Variants in SND1 observed in about 807,000 individuals in gnomAD.
SND1 encodes staphylococcal nuclease domain-containing protein 1.
In SND1, 38 loss-of-function variants were observed where a neutral mutation model predicts 121.7. That is an observed-to-expected ratio of 0.31 (90% confidence interval 0.24 to 0.41). The LOEUF (loss-of-function observed/expected upper bound fraction) is 0.41. Ranked by LOEUF, SND1 falls within the 10% of genes least tolerant of loss-of-function variation. The pLI, the probability that SND1 is intolerant of heterozygous loss-of-function variation, is 1.00. For missense variants in SND1, 868 were observed against 1,184.6 expected (o/e 0.73, Z 3.92); for synonymous variants, 401 against 447.4 (o/e 0.90, Z 1.31).
chr7:128,020,428 A>G (rs1803323134), intron 16 of SND1, among the ~76,000 whole-genome samples: 1 of 152,224 alleles, frequency 6.6e-6, no homozygotes, highest in African/African-American at 2.4e-5. Context: ...TCGCGAACCC[A>G]GAGACTACAG....
At chr7:127,938,203 C>T (rs1238719251) in intron 15 of SND1, among the ~76,000 whole-genome samples, 1 of 152,184 alleles carries the variant, frequency 6.6e-6, no homozygotes, top group African/African-American at 2.4e-5. Flanking sequence ...GAATTATGTT[C>T]ATGTCCGGGG....
chr7:128,081,189 AG>A (rs1355689058), intron 17 of SND1, among the ~76,000 whole-genome samples, 170 bp from the exon 18 acceptor site: 2 of 151,866 alleles, frequency 1.3e-5, no homozygotes, highest in African/African-American at 2.4e-5. Context: ...GTAGAGATAG[AG>A]TTTCACCATA....
At chr7:128,068,626 A>G (rs1793357101) in intron 16 of SND1, among the ~76,000 whole-genome samples, 1 of 152,226 alleles carries the variant, frequency 6.6e-6, no homozygotes, top group Non-Finnish European at 1.5e-5. Flanking sequence ...GCCGCAGGAA[A>G]TGAAACAAGT....
chr7:128,077,037 C>T (rs1444724337), intron 17 of SND1, among the ~76,000 whole-genome samples: 1 of 152,152 alleles, frequency 6.6e-6, no homozygotes, highest in African/African-American at 2.4e-5. Context: ...ATGGCAGATG[C>T]CTGTCCCCCC....
chr7:127,746,693 T>A (rs1796988989), intron 10 of SND1, among the ~76,000 whole-genome samples: 1 of 152,242 alleles, frequency 6.6e-6, no homozygotes, highest in Non-Finnish European at 1.5e-5. Context: ...TCCTTCTTCC[T>A]ATGAACATTC....
intron 15 of SND1, among the ~76,000 whole-genome samples, chr7:127,972,031 TC>T (rs1013102549): frequency 2.6e-5 from 4 of 152,020 alleles, no homozygotes; most frequent in African/African-American, 9.7e-5. Context: ...CGCCTCGGCC[TC>T]CCAAAGTGCT....
rs528127767 is a variant in SND1 at position 128,085,329 on chromosome 7, G to A, written c.2235-382G>A. On this transcript the variant is annotated intron_variant, in intron 19 of 23. Transcript: ENST00000354725. The surrounding 1 kb of genome is among the most constrained non-coding windows in gnomAD (Gnocchi z 4.4). The stretch of plus-strand genomic sequence containing the variant: ...AGGGAGGGCCCATGGCCTTCCCAGG[G>A]TGACGAAGTGACTTGGATATGTTCC... Among the ~76,000 whole-genome samples the A allele has an allele frequency of 6.6e-6, 1 of 152,202 alleles. No individual in the cohort carries two copies. Among genetic ancestry groups the A allele is most frequent in the South Asian group, 2.1e-4 (1 of 4,834 alleles).
intron 15 of SND1, among the ~76,000 whole-genome samples, chr7:127,981,528 T>C (rs1029374468): frequency 1.4e-5 from 2 of 147,500 alleles, no homozygotes; most frequent in Non-Finnish European, 3.0e-5. Flanking sequence ...AGTGAGAGGG[T>C]TTTTTTTTTC....
At chr7:127,838,000 C>G (rs968423461) in intron 11 of SND1, among the ~76,000 whole-genome samples, 51 of 152,274 alleles carry the variant, frequency 3.3e-4, no homozygotes, top group Admixed American at 1.9e-3. Context: ...CTATGTTGTT[C>G]CCCTGTTGGC....
intron 9 of SND1, among the ~76,000 whole-genome samples, chr7:127,716,828 A>G (rs1223458890): frequency 1.3e-5 from 2 of 152,184 alleles, no homozygotes; most frequent in Non-Finnish European, 2.9e-5. Flanking sequence ...ATGTGATAAT[A>G]TGGAGAGAAT....
At chr7:128,090,735 T>C (rs1793765511) in intron 22 of SND1, among the ~76,000 whole-genome samples, 1 of 152,144 alleles carries the variant, frequency 6.6e-6, no homozygotes, top group Non-Finnish European at 1.5e-5. Context: ...ACATAATGTG[T>C]CGGTGGCTGT....
At chr7:127,806,495 T>C (rs1211275776) in intron 10 of SND1, among the ~76,000 whole-genome samples, 2 of 152,256 alleles carry the variant, frequency 1.3e-5, no homozygotes, top group African/African-American at 4.8e-5. Flanking sequence ...TTTTGGTTTT[T>C]CTGTTTTTTC....
At chr7:127,707,926 A>G (rs1796230055) in intron 9 of SND1, among the ~76,000 whole-genome samples, 1 of 152,136 alleles carries the variant, frequency 6.6e-6, no homozygotes, top group South Asian at 2.1e-4. Context: ...TTATCTGCCT[A>G]GCAAATAGCA....
At chr7:128,001,261 G>A (rs1802819453) in intron 16 of SND1, among the ~76,000 whole-genome samples, 1 of 152,186 alleles carries the variant, frequency 6.6e-6, no homozygotes, top group African/African-American at 2.4e-5. Flanking sequence ...AGTGAGAAAG[G>A]AATAGCTCAT....
At chr7:127,901,263 A>G (rs781610766) in intron 13 of SND1, among the ~76,000 whole-genome samples, 15 of 152,130 alleles carry the variant, frequency 9.9e-5, no homozygotes, top group Non-Finnish European at 1.8e-4. Context: ...CATGTCATGT[A>G]TCCTCATAGC....
chr7:127,804,045 A>G (rs1056577158), intron 10 of SND1, among the ~76,000 whole-genome samples: 8 of 152,226 alleles, frequency 5.3e-5, no homozygotes, highest in Non-Finnish European at 7.3e-5. Flanking sequence ...GTAAATTAGA[A>G]TCTAAACTAG....
intron 15 of SND1, among the ~76,000 whole-genome samples, chr7:127,981,581 G>A (rs573582764): frequency 3.9e-5 from 6 of 152,246 alleles, no homozygotes; most frequent in African/African-American, 1.4e-4. Context: ...TTTGCAATGG[G>A]GAGAATTATA....
At chr7:128,006,227 G>GGTGCGTGC (rs200202031) in intron 16 of SND1, among the ~76,000 whole-genome samples, 2 of 151,938 alleles carry the variant, frequency 1.3e-5, no homozygotes, top group African/African-American at 4.8e-5. Context: ...GCATGGGAAG[G>GGTGCGTGC]GTGCGTGCGT....
chr7:127,830,320 T>C (rs529933375), intron 11 of SND1, among the ~76,000 whole-genome samples: 11 of 152,016 alleles, frequency 7.2e-5, no homozygotes, highest in African/African-American at 1.7e-4. Flanking sequence ...GAGGCAGAGG[T>C]TGCAGTGAGC....
Sources: allele counts gnomAD v4.1 joint callset (sites outside exome capture counted in the v4.1 genomes callset), GRCh38; gene constraint gnomAD v4.1.1; non-coding constraint Gnocchi (gnomAD v3.1); transcripts MANE v1.5; gene names NCBI Gene and HGNC (gene_info 2026-07-23, HGNC 2026-07-21).